The following LRRC4C variants were observed in gnomAD, a reference collection of about 807,000 sequenced individuals.
LRRC4C encodes leucine rich repeat containing 4C.
In LRRC4C, 5 loss-of-function variants were observed where a neutral mutation model predicts 33.6. The ratio of observed to expected loss-of-function variants is 0.15; its 90% CI spans 0.08 to 0.31. LRRC4C has a LOEUF of 0.31. Among genes scored for constraint, LRRC4C ranks in the 10% least tolerant of loss-of-function variants. The probability of loss-of-function intolerance (pLI) is 1.00; values close to 1 mark genes in which losing one functional copy is unlikely to be tolerated. For missense variants in LRRC4C, 560 were observed against 796.7 expected (o/e 0.70, Z 3.58); for synonymous variants, 329 against 302.0 (o/e 1.09, Z -0.93).
At chr11:40,540,416 AAACC>A (rs1192412988) in intron 3 of LRRC4C, among the ~76,000 whole-genome samples, 1 of 152,122 alleles carries the variant, frequency 6.6e-6, no homozygotes, top group Non-Finnish European at 1.5e-5. Context: ...TTTATTTTTC[AAACC>A]CAAACAGCCA....
chr11:40,586,420 A>T (rs1958747096), intron 3 of LRRC4C, among the ~76,000 whole-genome samples: 1 of 147,292 alleles, frequency 6.8e-6, no homozygotes, highest in Non-Finnish European at 1.5e-5. Context: ...CCCATTTTGT[A>T]GGTTGCCTGT....
At chr11:41,318,989 A>G (rs1321631949) in intron 1 of LRRC4C, among the ~76,000 whole-genome samples, 1 of 152,222 alleles carries the variant, frequency 6.6e-6, no homozygotes, top group Non-Finnish European at 1.5e-5. Context: ...CGGAACCTCA[A>G]TTTGAGAACA....
At chr11:40,252,166 G>A (rs997810361) in intron 4 of LRRC4C, among the ~76,000 whole-genome samples, 2 of 151,520 alleles carry the variant, frequency 1.3e-5, no homozygotes, top group Admixed American at 6.6e-5. Context: ...CATCTCAAGC[G>A]GTGGTACACA....
intron 1 of LRRC4C, among the ~76,000 whole-genome samples, chr11:40,950,786 GT>G (rs1490296453): frequency 2.0e-5 from 3 of 151,566 alleles, no homozygotes; most frequent in Non-Finnish European, 4.4e-5. Context: ...TGCTTCCAGA[GT>G]TTTTCTCTAG....
intron 2 of LRRC4C, among the ~76,000 whole-genome samples, chr11:40,653,054 T>G (rs1942898893): frequency 6.6e-6 from 1 of 152,206 alleles, no homozygotes; most frequent in Admixed American, 6.5e-5. Context: ...TCATGAGGCT[T>G]TCCCATCTAA....
At chr11:40,574,729 T>G (rs1958117213) in intron 3 of LRRC4C, among the ~76,000 whole-genome samples, 1 of 152,172 alleles carries the variant, frequency 6.6e-6, no homozygotes, top group African/African-American at 2.4e-5. Flanking sequence ...TCCCCTTTCT[T>G]TCCACCCCTG....
At chr11:41,398,915 C>CT (rs1462955446) in intron 1 of LRRC4C, among the ~76,000 whole-genome samples, 3 of 151,912 alleles carry the variant, frequency 2.0e-5, no homozygotes, top group Non-Finnish European at 4.4e-5. Context: ...TCCACTGCCA[C>CT]TTTGTCTATT....
chr11:41,363,223 GGGTT>G (rs1952418413), intron 1 of LRRC4C, among the ~76,000 whole-genome samples: 1 of 152,176 alleles, frequency 6.6e-6, no homozygotes, highest in Non-Finnish European at 1.5e-5. Context: ...CAGAGGGGCT[GGGTT>G]TACCCTGCCC....
intron 1 of LRRC4C, among the ~76,000 whole-genome samples, chr11:41,392,197 A>C (rs537349058): frequency 6.6e-6 from 1 of 152,030 alleles, no homozygotes; most frequent in South Asian, 2.1e-4. Flanking sequence ...TTCTTAGTAG[A>C]ATGACTTGCA....
intron 4 of LRRC4C, among the ~76,000 whole-genome samples, chr11:40,305,360 T>TCATGG (rs902399746): frequency 5.9e-5 from 9 of 152,350 alleles, no homozygotes; most frequent in Non-Finnish European, 1.3e-4. Flanking sequence ...ACTTTCCTGT[T>TCATGG]CATGGCATAT....
At chr11:40,447,675 C>G (rs1424285221) in intron 3 of LRRC4C, among the ~76,000 whole-genome samples, 2 of 152,178 alleles carry the variant, frequency 1.3e-5, no homozygotes, top group Non-Finnish European at 2.9e-5. Context: ...CCCATCTAAG[C>G]AAACTCTCCG....
intron 1 of LRRC4C, among the ~76,000 whole-genome samples, chr11:41,258,166 A>G (rs1948863521): frequency 6.6e-6 from 1 of 151,946 alleles, no homozygotes; most frequent in South Asian, 2.1e-4. Flanking sequence ...CTTTAACCGG[A>G]GTATGCAGAT....
intron 1 of LRRC4C, among the ~76,000 whole-genome samples, chr11:41,327,510 A>G (rs1951159147): frequency 6.6e-6 from 1 of 152,248 alleles, no homozygotes; most frequent in Admixed American, 6.5e-5. Flanking sequence ...TAGGAAACAT[A>G]GATATTTAAT....
intron 1 of LRRC4C, among the ~76,000 whole-genome samples, chr11:41,092,582 T>C (rs1017888306): frequency 8.5e-5 from 13 of 152,208 alleles, no homozygotes; most frequent in Admixed American, 7.9e-4. Flanking sequence ...CTGAGATTCC[T>C]TGGGGGAATA....
At chr11:40,396,425 A>G (rs1329620458) in intron 3 of LRRC4C, among the ~76,000 whole-genome samples, 1 of 152,072 alleles carries the variant, frequency 6.6e-6, no homozygotes, top group Non-Finnish European at 1.5e-5. Context: ...TTCATGTTCA[A>G]GTTAAAGATT....
At chr11:40,545,880 G>T (rs1331710387) in intron 3 of LRRC4C, among the ~76,000 whole-genome samples, 1 of 151,902 alleles carries the variant, frequency 6.6e-6, no homozygotes, top group East Asian at 1.9e-4. Context: ...AAAAAATAGA[G>T]CAACTTGTCA....
intron 1 of LRRC4C, among the ~76,000 whole-genome samples, chr11:41,295,477 T>G (rs1176197836): frequency 1.3e-5 from 2 of 152,232 alleles, no homozygotes; most frequent in Non-Finnish European, 2.9e-5. Flanking sequence ...TGTGGGGTTT[T>G]AGATGACGTG....
chr11:40,967,132 G>T (rs1248536126), intron 1 of LRRC4C, among the ~76,000 whole-genome samples: 1 of 151,718 alleles, frequency 6.6e-6, no homozygotes, highest in African/African-American at 2.4e-5. Context: ...TTAAAAGTTG[G>T]AATTATTTTT....
At chr11:40,252,929 T>C (rs1866902110) in intron 4 of LRRC4C, among the ~76,000 whole-genome samples, 1 of 152,204 alleles carries the variant, frequency 6.6e-6, no homozygotes, top group African/African-American at 2.4e-5. Context: ...TTCCCAGACC[T>C]AAAGTCTCTC....
Sources: gnomAD v4.1 joint callset for allele counts (sites outside exome capture counted in the v4.1 genomes callset) on GRCh38, gnomAD v4.1.1 for gene constraint, MANE v1.5 for transcripts, NCBI Gene and HGNC (gene_info 2026-07-23, HGNC 2026-07-21) for gene names.